Variants in BBX observed in about 807,000 individuals in gnomAD.
BBX encodes HMG box transcription factor BBX.
In BBX, 30 loss-of-function variants were observed where a neutral mutation model predicts 100.2. The observed-to-expected ratio is 0.30, with a 90% confidence interval of 0.22 to 0.41. BBX has a LOEUF of 0.41. BBX is among the 10% of genes least tolerant of loss of function. BBX has a pLI of 1.00. For missense variants in BBX, 1,023 were observed against 1,129.8 expected (o/e 0.91, Z 1.35); for synonymous variants, 376 against 388.1 (o/e 0.97, Z 0.37).
At chr3:107,690,888 C>A (rs1169839038) in intron 3 of BBX, among the ~76,000 whole-genome samples, 1 of 87,370 alleles carries the variant, frequency 1.1e-5, no homozygotes, top group Non-Finnish European at 2.5e-5. Flanking sequence ...TGATGCCCCC[C>A]CCCCTTTTTT....
chr3:107,553,000 GA>G (rs1474907991), intron 2 of BBX, among the ~76,000 whole-genome samples: 2 of 152,108 alleles, frequency 1.3e-5, no homozygotes, highest in Admixed American at 1.3e-4. Context: ...ACTTCATAAA[GA>G]AAAATGTTGA....
chr3:107,525,804 G>C (rs1258178319), intron 1 of BBX, among the ~76,000 whole-genome samples: 1 of 152,164 alleles, frequency 6.6e-6, no homozygotes, highest in Non-Finnish European at 1.5e-5. Flanking sequence ...TTGTGACCCG[G>C]GCTGGGTGTT....
At chr3:107,802,792 T>A (rs989835540) in intron 17 of BBX, among the ~76,000 whole-genome samples, 1 of 152,184 alleles carries the variant, frequency 6.6e-6, no homozygotes, top group African/African-American at 2.4e-5. Flanking sequence ...CTCCCTACCC[T>A]GCAGTTAGGT....
intron 7 of BBX, among the ~76,000 whole-genome samples, chr3:107,737,888 T>TG (rs2063751795): frequency 8.0e-6 from 1 of 124,876 alleles, no homozygotes; most frequent in Admixed American, 8.7e-5. Flanking sequence ...GTTCCAGTTT[T>TG]TTTTTTTTTT....
chr3:107,744,050 C>T (rs900247323), intron 7 of BBX, among the ~76,000 whole-genome samples: 2 of 150,924 alleles, frequency 1.3e-5, no homozygotes, highest in African/African-American at 4.9e-5. Flanking sequence ...TATTTTTCCC[C>T]CTAGACTCTC....
At chr3:107,570,031 A>T (rs2051228964) in intron 2 of BBX, among the ~76,000 whole-genome samples, 1 of 152,154 alleles carries the variant, frequency 6.6e-6, no homozygotes. Context: ...GTACAGATAG[A>T]ACATGGCTTA....
At chr3:107,529,103 A>G (rs1433079863) in intron 2 of BBX, among the ~76,000 whole-genome samples, 1 of 152,196 alleles carries the variant, frequency 6.6e-6, no homozygotes, top group Non-Finnish European at 1.5e-5. Context: ...TGAAGTTATT[A>G]TTAGTGTCTT....
At chr3:107,560,170 C>T (rs1332105490) in intron 2 of BBX, among the ~76,000 whole-genome samples, 1 of 151,464 alleles carries the variant, frequency 6.6e-6, no homozygotes, top group Non-Finnish European at 1.5e-5. Context: ...AGCCTTACTA[C>T]TTTCTAATTC....
At chr3:107,782,746 G>A (rs1434372947) in intron 13 of BBX, among the ~76,000 whole-genome samples, 1 of 152,100 alleles carries the variant, frequency 6.6e-6, no homozygotes, top group Non-Finnish European at 1.5e-5. Flanking sequence ...GAGGTGCAAA[G>A]GAGATTGATA....
intron 2 of BBX, among the ~76,000 whole-genome samples, chr3:107,562,805 G>A (rs998183350): frequency 6.6e-6 from 1 of 152,138 alleles, no homozygotes; most frequent in Non-Finnish European, 1.5e-5. Flanking sequence ...AACCTGAAAA[G>A]AAATGAATTA....
intron 3 of BBX, among the ~76,000 whole-genome samples, chr3:107,681,089 T>C (rs1183467322): frequency 6.6e-6 from 1 of 152,172 alleles, no homozygotes. Context: ...TGATAAATAA[T>C]GCTTTAGAAA....
At chr3:107,794,050 C>G (rs534908177) in intron 15 of BBX, among the ~76,000 whole-genome samples, 1 of 152,068 alleles carries the variant, frequency 6.6e-6, no homozygotes, top group African/African-American at 2.4e-5. Context: ...AAACCAAGAA[C>G]ACTACCTCCT....
chr3:107,616,005 C>CAT (rs2055231173), intron 2 of BBX, among the ~76,000 whole-genome samples: 2 of 19,218 alleles, frequency 1.0e-4, no homozygotes, highest in Non-Finnish European at 1.9e-4. Flanking sequence ...TACTCACCTG[C>CAT]TTTTTTTTTT....
At chr3:107,573,742 T>C (rs1247514586) in intron 2 of BBX, among the ~76,000 whole-genome samples, 1 of 152,266 alleles carries the variant, frequency 6.6e-6, no homozygotes, top group Non-Finnish European at 1.5e-5. Context: ...CTCTTTTTTT[T>C]TGAGGTAAGG....
At chr3:107,539,106 AAGCAATAAT>A (rs1398211335) in intron 2 of BBX, among the ~76,000 whole-genome samples, 11 of 152,086 alleles carry the variant, frequency 7.2e-5, no homozygotes, top group Admixed American at 2.6e-4. Context: ...ATGTTTAGTA[AAGCAATAAT>A]GTTGCTTTAT....
At chr3:107,627,392 T>G (rs1412955746) in intron 2 of BBX, among the ~76,000 whole-genome samples, 2 of 152,170 alleles carry the variant, frequency 1.3e-5, no homozygotes, top group African/African-American at 4.8e-5. Context: ...GATTAAATGT[T>G]GAGATTGTTA....
Position 107,710,129 on chromosome 3 carries a change from G to A in BBX, c.-9-323G>A, listed in dbSNP as rs1003286735. On this transcript the variant is annotated intron_variant, in intron 3 of 17. Transcript: ENST00000325805. ...CCCTGAGTAAATACACACAGGTGAA[G>A]ACAACTGGTAACATCCTTAAGCTTA... 3.3e-5 allele frequency among the ~76,000 whole-genome samples: 5 copies of A among 152,236 alleles called. No individual in the cohort carries two copies. The South Asian group carries it at 6.2e-4, about 19-fold the overall frequency.
At chr3:107,636,370 A>G (rs183215536) in intron 2 of BBX, among the ~76,000 whole-genome samples, 39 of 152,346 alleles carry the variant, frequency 2.6e-4, no homozygotes, top group African/African-American at 8.9e-4. Context: ...TGAGCAGGCA[A>G]AAGCATACAT....
chr3:107,756,710 A>G (rs1027114512), intron 10 of BBX, among the ~76,000 whole-genome samples: 1 of 152,186 alleles, frequency 6.6e-6, no homozygotes, highest in Non-Finnish European at 1.5e-5. Context: ...AAACTACCCC[A>G]TTGTTGTCTG....
Sources: allele counts gnomAD v4.1 joint callset (sites outside exome capture counted in the v4.1 genomes callset), GRCh38; gene constraint gnomAD v4.1.1; transcripts MANE v1.5; gene names NCBI Gene and HGNC (gene_info 2026-07-23, HGNC 2026-07-21).